The following RAP1GAP2 variants were observed in gnomAD, a reference collection of about 807,000 sequenced individuals.
RAP1GAP2 encodes the protein RAP1 GTPase activating protein 2, also known as rap1 GTPase-activating protein 2.
RAP1GAP2 carries 27 observed loss-of-function variants against 95.0 expected under a neutral mutation model. That is an observed-to-expected ratio of 0.28 (90% CI 0.21 to 0.39). The LOEUF (loss-of-function observed/expected upper bound fraction) is 0.39, where lower values mean the gene tolerates loss of function less well. Among genes scored for constraint, RAP1GAP2 ranks in the 10% least tolerant of loss-of-function variants. The pLI, the probability that RAP1GAP2 is intolerant of heterozygous loss-of-function variation, is 1.00. For missense variants in RAP1GAP2, 771 were observed against 970.0 expected, an observed-to-expected ratio of 0.79 and a Z score of 2.72; for synonymous variants, 373 against 380.9, an observed-to-expected ratio of 0.98 and a Z score of 0.24.
intron 3 of RAP1GAP2, among the ~76,000 whole-genome samples, chr17:2,954,619 A>C (rs138714570): frequency 0.014 from 2,082 of 151,940 alleles, 49 homozygotes; most frequent in African/African-American, 0.047. Context: ...ACTGAGAGGC[A>C]GTCTTGCTCT....
intron 2 of RAP1GAP2, chr17:2,854,005 C>T (rs1244711990): frequency 5.1e-6 from 5 of 984,632 alleles, no homozygotes; most frequent in South Asian, 4.7e-5. Flanking sequence ...CATGTCCCAG[C>T]CCGCGGGGAG....
intron 3 of RAP1GAP2, among the ~76,000 whole-genome samples, chr17:2,956,047 T>C (rs2044091998): frequency 6.6e-6 from 1 of 152,254 alleles, no homozygotes; most frequent in Non-Finnish European, 1.5e-5. Context: ...TCTGTTGCAT[T>C]ATCCTCCTCC....
chr17:2,950,352 A>G (rs1419621453), intron 3 of RAP1GAP2, among the ~76,000 whole-genome samples: 1 of 152,032 alleles, frequency 6.6e-6, no homozygotes, highest in African/African-American at 2.4e-5. Context: ...GCGCCCAGCC[A>G]GACTCATTTC....
chr17:2,992,031 G>A (rs547859671), intron 12 of RAP1GAP2, among the ~76,000 whole-genome samples: 1 of 152,160 alleles, frequency 6.6e-6, no homozygotes, highest in Admixed American at 6.5e-5. Flanking sequence ...CTCCCAAAGT[G>A]CTAGGATTAC....
intron 10 of RAP1GAP2, among the ~76,000 whole-genome samples, chr17:2,981,699 A>C (rs186538240): frequency 6.6e-6 from 1 of 152,300 alleles, no homozygotes; most frequent in Admixed American, 6.5e-5. Context: ...CTCTCCGGCC[A>C]TATAAGCCTC....
intron 11 of RAP1GAP2, among the ~76,000 whole-genome samples, chr17:2,985,742 T>C (rs541698410): frequency 2.6e-5 from 4 of 152,196 alleles, no homozygotes; most frequent in South Asian, 2.1e-4. Flanking sequence ...TGGTGTACTC[T>C]GTGAGCAAAT....
At chr17:2,946,894 A>G (rs559307641) in intron 3 of RAP1GAP2, among the ~76,000 whole-genome samples, 1 of 152,296 alleles carries the variant, frequency 6.6e-6, no homozygotes, top group South Asian at 2.1e-4. Flanking sequence ...AGCTGGGATT[A>G]TAGGCGCCCG....
chr17:2,758,153 G>A (rs1046800339), intron 1 of RAP1GAP2, among the ~76,000 whole-genome samples: 1 of 147,716 alleles, frequency 6.8e-6, no homozygotes, highest in Non-Finnish European at 1.5e-5. Context: ...ACAGGCGTGA[G>A]CCACCACGCC....
At chr17:2,907,101 C>CA (rs1472377470) in intron 3 of RAP1GAP2, among the ~76,000 whole-genome samples, 5 of 151,726 alleles carry the variant, frequency 3.3e-5, no homozygotes, top group African/African-American at 1.2e-4. Context: ...ATTTTTTTCC[C>CA]CCAGTAGTTC....
At chr17:2,873,027 C>T (rs1021060793) in intron 2 of RAP1GAP2, among the ~76,000 whole-genome samples, 6 of 150,956 alleles carry the variant, frequency 4.0e-5, no homozygotes, top group Non-Finnish European at 5.9e-5. Flanking sequence ...CGCTTGAACC[C>T]GAGGGGCGGA....
chr17:2,835,838 GTCC>G (rs1225847504), intron 2 of RAP1GAP2, among the ~76,000 whole-genome samples: 1 of 152,180 alleles, frequency 6.6e-6, no homozygotes, highest in Non-Finnish European at 1.5e-5. Flanking sequence ...TCCTGGAATA[GTCC>G]TTGATTTTAC....
intron 3 of RAP1GAP2, among the ~76,000 whole-genome samples, chr17:2,910,364 T>G (rs2042332800): frequency 6.6e-6 from 1 of 152,156 alleles, no homozygotes; most frequent in African/African-American, 2.4e-5. Flanking sequence ...TGTCCTAGGG[T>G]GAGGCCAGGC....
At chr17:2,957,538 T>G (rs1216586713) in intron 3 of RAP1GAP2, among the ~76,000 whole-genome samples, 6 of 152,226 alleles carry the variant, frequency 3.9e-5, no homozygotes, top group African/African-American at 1.4e-4. Context: ...ACCATTCATT[T>G]GCCAGCCCAG....
intron 3 of RAP1GAP2, among the ~76,000 whole-genome samples, chr17:2,941,881 C>G (rs767625857): frequency 1.3e-5 from 2 of 152,134 alleles, no homozygotes; most frequent in Non-Finnish European, 2.9e-5. Flanking sequence ...CGGGGTTTTA[C>G]CGTGTTGGTC....
Position 3,003,528 on chromosome 17 carries a change from C to A in RAP1GAP2, c.1201-1841C>A, listed in dbSNP as rs2046236648. Among the ~76,000 whole-genome samples, 1 of 152,124 alleles carries A rather than the reference C, an allele frequency of 6.6e-6. No individual in the cohort carries two copies. The highest frequency in any genetic ancestry group is 6.5e-5 in the Admixed American group (1 of 15,276). On this transcript the variant is annotated intron_variant, in intron 14 of 24. Transcript: ENST00000254695. The surrounding 1 kb of genome is among the most constrained non-coding windows in gnomAD (Gnocchi z 4.1). ...GACGATGCTCTGTGTGCCACCGCGG[C>A]TCCCAGGCCACTCTTGGGCGTGGGG...
chr17:2,891,388 G>A (rs1281362503), intron 2 of RAP1GAP2, among the ~76,000 whole-genome samples: 1 of 151,530 alleles, frequency 6.6e-6, no homozygotes, highest in South Asian at 2.1e-4. Context: ...CAATCCTCCC[G>A]CCTTGGCCTC....
At chr17:2,889,879 A>T (rs1284873623) in intron 2 of RAP1GAP2, among the ~76,000 whole-genome samples, 10 of 76,952 alleles carry the variant, frequency 1.3e-4, no homozygotes, top group African/African-American at 5.9e-4. Flanking sequence ...ATATATATAT[A>T]TATATATATA....
chr17:2,965,962 T>C lies in RAP1GAP2; in HGVS notation c.596+319T>C. The C allele has an allele frequency of 3.0e-6, 1 of 337,382 alleles. No homozygotes were observed. Among genetic ancestry groups the C allele is most frequent in the Non-Finnish European group, 5.6e-6 (1 of 179,840 alleles). The allele number at this position is 337,382 out of a possible 1,614,324, so 20.9% of individuals were successfully genotyped here. ...GGGAAGAAAAGTAGGGATGGTTCAG[T>C]GTGACTCATCCTGCTGAGACACAGC... On this transcript the variant is annotated intron_variant, in intron 8 of 24. Transcript: ENST00000254695. The surrounding 1 kb of genome is among the most constrained non-coding windows in gnomAD (Gnocchi z 4.7).
At chr17:3,010,352 A>G (rs1326685032) in intron 17 of RAP1GAP2, among the ~76,000 whole-genome samples, 7 of 151,936 alleles carry the variant, frequency 4.6e-5, no homozygotes, top group African/African-American at 2.4e-5. Context: ...AAAAAAAAAA[A>G]AAAAAAAAGA....
Sources: gnomAD v4.1 joint callset for allele counts (sites outside exome capture counted in the v4.1 genomes callset) on GRCh38, gnomAD v4.1.1 for gene constraint, Gnocchi (gnomAD v3.1) non-coding constraint, MANE v1.5 for transcripts, NCBI Gene and HGNC (gene_info 2026-07-23, HGNC 2026-07-21) for gene names.